MAGI2: variants seen among roughly 807,000 people sequenced by gnomAD.
MAGI2 encodes membrane associated guanylate kinase, WW and PDZ domain containing 2.
MAGI2 carries 35 observed loss-of-function variants against 133.3 expected under a neutral mutation model. The ratio of observed to expected loss-of-function variants is 0.26; its 90% CI spans 0.20 to 0.35. The LOEUF is 0.35. Among genes scored for constraint, MAGI2 ranks in the 10% least tolerant of loss-of-function variants. MAGI2 has a pLI of 1.00. For missense variants in MAGI2, 1,636 were observed against 1,863.4 expected, an observed-to-expected ratio of 0.88 and a Z score of 2.25; for synonymous variants, 729 against 710.6, an observed-to-expected ratio of 1.03 and a Z score of -0.41.
chr7:78,058,003 A>ATATATGTGTGTGTGTGTGTGTGTGTG, intron 21 of MAGI2, among the ~76,000 whole-genome samples: 2 of 117,026 alleles, frequency 1.7e-5, no homozygotes, highest in Admixed American at 8.0e-5. Context: ...ATATATATAT[A>ATATATGTGTGTGTGTGTGTGTGTGTG]TGTATGAGAA....
intron 3 of MAGI2, among the ~76,000 whole-genome samples, chr7:78,613,487 T>C (rs38102): frequency 0.61 from 93,033 of 152,016 alleles, 28,969 homozygotes; most frequent in Middle Eastern, 0.73. Flanking sequence ...TAGAGGAAGC[T>C]TTCTAGGATA....
chr7:78,724,825 T>G (rs1820613053), intron 2 of MAGI2, among the ~76,000 whole-genome samples: 1 of 152,182 alleles, frequency 6.6e-6, no homozygotes, highest in African/African-American at 2.4e-5. Flanking sequence ...ATAACAGCAC[T>G]TGCCAGTTGC....
At chr7:78,600,591 CA>C (rs1355880264) in intron 3 of MAGI2, among the ~76,000 whole-genome samples, 1 of 151,864 alleles carries the variant, frequency 6.6e-6, no homozygotes, top group Non-Finnish European at 1.5e-5. Flanking sequence ...GAAAATTAAG[CA>C]AATAGAAAAA....
chr7:79,196,891 C>G (rs1370096878), intron 1 of MAGI2, among the ~76,000 whole-genome samples: 1 of 151,840 alleles, frequency 6.6e-6, no homozygotes, highest in African/African-American at 2.4e-5. Context: ...CCCCAGCCTC[C>G]CAAGTAGCTG....
At chr7:79,125,962 A>G (rs1820374180) in intron 1 of MAGI2, among the ~76,000 whole-genome samples, 1 of 152,232 alleles carries the variant, frequency 6.6e-6, no homozygotes, top group Non-Finnish European at 1.5e-5. Flanking sequence ...TTTAGAAAAC[A>G]CTCATATGCG....
At chr7:78,933,169 A>C (rs1311995140) in intron 2 of MAGI2, among the ~76,000 whole-genome samples, 3 of 152,074 alleles carry the variant, frequency 2.0e-5, no homozygotes, top group African/African-American at 7.2e-5. Context: ...TGATGACTGG[A>C]AGATTTTGTT....
intron 1 of MAGI2, among the ~76,000 whole-genome samples, chr7:79,144,336 C>G (rs1367202236): frequency 1.3e-5 from 2 of 152,114 alleles, no homozygotes; most frequent in African/African-American, 4.8e-5. Flanking sequence ...CTGGTGGGAT[C>G]ATGGGGACAG....
chr7:79,056,201 C>T (rs1813132737), intron 1 of MAGI2, among the ~76,000 whole-genome samples: 1 of 151,682 alleles, frequency 6.6e-6, no homozygotes, highest in Non-Finnish European at 1.5e-5. Context: ...CAAGACCAGT[C>T]TGGTGAGATT....
intron 1 of MAGI2, among the ~76,000 whole-genome samples, chr7:79,236,549 C>G (rs1351318787): frequency 6.6e-6 from 1 of 152,242 alleles, no homozygotes; most frequent in Admixed American, 6.5e-5. Flanking sequence ...CCAGCAATCT[C>G]CATTCTGCCA....
intron 3 of MAGI2, among the ~76,000 whole-genome samples, chr7:78,523,061 C>G (rs1382549362): frequency 6.6e-6 from 1 of 152,154 alleles, no homozygotes; most frequent in Non-Finnish European, 1.5e-5. Flanking sequence ...AGGAAGCACA[C>G]CTCACTGTCT....
rs1191791207 is a variant in MAGI2 at position 78,732,493 on chromosome 7, AAAT to A, written c.419-105257_419-105255del. On this transcript the variant is annotated intron_variant, in intron 2 of 21. Transcript: ENST00000354212. ...TAACTGCTCTGTAATTACACATACT[AAAT>A]CTGCAATTTACTTTGAAATGCACCA... 5.9e-5 allele frequency among the ~76,000 whole-genome samples: 9 copies of A among 152,134 alleles called. No individual in the cohort carries two copies. The South Asian group carries it at 1.9e-3, about 32-fold the overall frequency.
Position 79,058,121 on chromosome 7 carries a change from A to G in MAGI2, c.302-50915T>C, listed in dbSNP as rs112317406. ...GGAGAGGGGGGAAGAAGAACAAAGA[A>G]GGAACTGAGAGAACAACAAGGCAAA... On this transcript the variant is annotated intron_variant, in intron 1 of 21. Coordinates refer to ENST00000354212, the MANE Select transcript of MAGI2 (RefSeq NM_012301.4). Among the ~76,000 whole-genome samples, 132 of 152,214 alleles carry G rather than the reference A, an allele frequency of 8.7e-4. 3 individuals are homozygous for G. The highest frequency in any genetic ancestry group is 3.1e-3 in the African/African-American group (128 of 41,568).
At chr7:78,925,167 C>G (rs1483957067) in intron 2 of MAGI2, among the ~76,000 whole-genome samples, 1 of 151,986 alleles carries the variant, frequency 6.6e-6, no homozygotes, top group African/African-American at 2.4e-5. Context: ...GGCCAGAACT[C>G]CAGTGGGAAA....
chr7:78,297,072 A>G (rs1407141610), intron 9 of MAGI2, among the ~76,000 whole-genome samples: 1 of 152,236 alleles, frequency 6.6e-6, no homozygotes, highest in Non-Finnish European at 1.5e-5. Context: ...ATGCAGAAGA[A>G]TTACAAATAA....
chr7:78,777,368 A>G (rs1699410686), intron 2 of MAGI2, among the ~76,000 whole-genome samples: 1 of 152,206 alleles, frequency 6.6e-6, no homozygotes, highest in African/African-American at 2.4e-5. Context: ...TCAGTTGTAT[A>G]GTTATCAGGC....
Position 78,786,915 on chromosome 7 carries a change from A to G in MAGI2, c.419-159676T>C, listed in dbSNP as rs193074190. 9.6e-4 allele frequency among the ~76,000 whole-genome samples: 145 copies of G among 151,752 alleles called. 1 individual carries two copies. The highest frequency in any genetic ancestry group is 2.9e-3 in the African/African-American group (122 of 41,440). On this transcript the variant is annotated intron_variant, in intron 2 of 21. Transcript: ENST00000354212. ...GTGCCTGGTACATAATCTGCCCCCA[A>G]TAAGTATTGGTTGAAATGAATTGAA... is the stretch of plus-strand genomic sequence containing the variant.
intron 2 of MAGI2, among the ~76,000 whole-genome samples, chr7:78,994,296 T>A (rs2116369942): frequency 6.6e-6 from 1 of 152,216 alleles, no homozygotes; most frequent in East Asian, 1.9e-4. Context: ...GCTGTCTCTG[T>A]TTTGATTACC....
At chr7:78,639,899 A>G (rs368065198) in intron 2 of MAGI2, among the ~76,000 whole-genome samples, 1 of 152,216 alleles carries the variant, frequency 6.6e-6, no homozygotes, top group Non-Finnish European at 1.5e-5. Context: ...ATTCTGATAA[A>G]AAAGAAAACA....
chr7:79,006,762 C>G (rs945026142), intron 2 of MAGI2: 3 of 198,360 alleles, frequency 1.5e-5, no homozygotes, highest in African/African-American at 6.9e-5. Flanking sequence ...TCCTGTCTCC[C>G]AATGTGGAGT....
Sources: allele counts gnomAD v4.1 joint callset (sites outside exome capture counted in the v4.1 genomes callset), GRCh38; gene constraint gnomAD v4.1.1; transcripts MANE v1.5; gene names NCBI Gene and HGNC (gene_info 2026-07-23, HGNC 2026-07-21).